Variants in TMTC2 observed in about 807,000 individuals in gnomAD.
The protein encoded by TMTC2 is protein O-mannosyl-transferase TMTC2.
In TMTC2, 43 loss-of-function variants were observed where a neutral mutation model predicts 82.4. The observed-to-expected ratio is 0.52, with a 90% confidence interval of 0.41 to 0.67. The LOEUF (loss-of-function observed/expected upper bound fraction) is 0.67. Ranked by LOEUF, TMTC2 falls within the 30% of genes least tolerant of loss-of-function variation. The pLI is 0.00. For missense variants in TMTC2, 919 were observed against 1,012.4 expected (o/e 0.91, Z 1.25); for synonymous variants, 408 against 381.9 (o/e 1.07, Z -0.80).
chr12:82,823,963 G>C (rs751052220), intron 1 of TMTC2, among the ~76,000 whole-genome samples: 35 of 147,464 alleles, frequency 2.4e-4, no homozygotes, highest in Admixed American at 4.1e-4. Context: ...GTGCAATTTC[G>C]ACTCTTTGCA....
Position 82,902,575 on chromosome 12 carries a change from C to CTA in TMTC2, c.1483+5931_1483+5932dup, listed in dbSNP as rs1340692805. 4.6e-5 allele frequency among the ~76,000 whole-genome samples: 7 copies of CTA among 152,312 alleles called. No homozygotes were observed. In the East Asian group the frequency reaches 1.4e-3, roughly 29 times the overall value. The stretch of plus-strand genomic sequence containing the variant: ...TAATGTCTCAGCTGAACTCCTGCTT[C>CTA]TATTCACCTTCAAAGTCTATGCTTA... On this transcript the variant is annotated intron_variant, in intron 3 of 11. Transcript: ENST00000321196.
intron 9 of TMTC2, among the ~76,000 whole-genome samples, chr12:83,039,996 C>T (rs901792967): frequency 2.6e-5 from 4 of 152,214 alleles, no homozygotes; most frequent in Non-Finnish European, 4.4e-5. Flanking sequence ...CACATATGTG[C>T]TCATTAATGC....
At chr12:83,037,912 A>G (rs1592709704) in intron 9 of TMTC2, among the ~76,000 whole-genome samples, 1 of 152,258 alleles carries the variant, frequency 6.6e-6, no homozygotes, top group East Asian at 1.9e-4. Flanking sequence ...AGATCAATCT[A>G]CTTGAGAGAT....
rs528076999 is a variant in TMTC2, at chr12:83,004,722, A to ATTTTTTTT, written c.2070+18714_2070+18721dup. On this transcript the variant is annotated intron_variant, in intron 8 of 11. Transcript: ENST00000321196. ...TTCACAGGCAGTGTATACTGGCCGA[A>ATTTTTTTT]TTTTTTTTTTTTTTTTTTTTTTTTT... is the stretch of plus-strand genomic sequence containing the variant. Among the ~76,000 whole-genome samples, 60 of 36,034 alleles carry ATTTTTTTT rather than the reference A, an allele frequency of 1.7e-3. 18 individuals carry two copies. Among genetic ancestry groups the ATTTTTTTT allele is most frequent in the East Asian group, 2.7e-3 (2 of 744 alleles). The allele number at this position is 36,034 out of a possible 152,430, so 23.6% of individuals were successfully genotyped here.
At chr12:82,929,065 T>TTTTTG (rs1017177702) in intron 3 of TMTC2, among the ~76,000 whole-genome samples, 2 of 152,038 alleles carry the variant, frequency 1.3e-5, no homozygotes, top group African/African-American at 4.8e-5. Flanking sequence ...TGTGTTTGTT[T>TTTTTG]TTTTGTTTTG....
intron 1 of TMTC2, among the ~76,000 whole-genome samples, chr12:82,750,437 C>A (rs1310360676): frequency 6.6e-6 from 1 of 151,990 alleles, no homozygotes; most frequent in Non-Finnish European, 1.5e-5. Context: ...ATCTTGTTGG[C>A]AATTGGCATT....
At chr12:83,034,982 T>C (rs983137499) in intron 9 of TMTC2, among the ~76,000 whole-genome samples, 2 of 152,196 alleles carry the variant, frequency 1.3e-5, no homozygotes, top group African/African-American at 4.8e-5. Flanking sequence ...TTCCTCAACT[T>C]AAAAATAAAT....
At chr12:83,077,104 C>T (rs112111476) in intron 11 of TMTC2, among the ~76,000 whole-genome samples, 1 of 152,240 alleles carries the variant, frequency 6.6e-6, no homozygotes, top group Non-Finnish European at 1.5e-5. Flanking sequence ...ATAGCAAAGA[C>T]AGCTGGGAAT....
At chr12:82,996,823 C>G (rs1322529876) in intron 8 of TMTC2, among the ~76,000 whole-genome samples, 1 of 152,098 alleles carries the variant, frequency 6.6e-6, no homozygotes, top group Non-Finnish European at 1.5e-5. Flanking sequence ...TATTTCTCAT[C>G]TTTTGAGATG....
chr12:83,089,847 C>A (rs12371775), intron 11 of TMTC2, among the ~76,000 whole-genome samples: 7,871 of 133,886 alleles, frequency 0.059, 275 homozygotes, highest in Admixed American at 0.091. Context: ...AAACAAAAAA[C>A]AAAAAAAAAA....
chr12:83,017,714 T>C (rs1002261615), intron 8 of TMTC2, among the ~76,000 whole-genome samples: 1 of 152,084 alleles, frequency 6.6e-6, no homozygotes, highest in Non-Finnish European at 1.5e-5. Flanking sequence ...AGTTACTTTT[T>C]CTTTAATCTA....
chr12:82,760,918 C>A, intron 1 of TMTC2: 1 of 368,452 alleles, frequency 2.7e-6, no homozygotes, highest in Admixed American at 2.8e-5. Flanking sequence ...CTCAGGACTC[C>A]CACTGATTAT....
chr12:83,035,272 G>A lies in TMTC2; in HGVS notation c.2152+4393G>A, dbSNP rs541963711. Among the ~76,000 whole-genome samples, 10 of 152,264 alleles carry A rather than the reference G, an allele frequency of 6.6e-5. 1 individual carries two copies. Among genetic ancestry groups the A allele is most frequent in the Admixed American group, 6.5e-4 (10 of 15,298 alleles). On this transcript the variant is annotated intron_variant, in intron 9 of 11. Coordinates refer to ENST00000321196, the MANE Select transcript of TMTC2 (RefSeq NM_152588.3). ...TTGTGTTTTTGTATCCACTAGTTTT[G>A]TTCGGGGGAAGAGATTGCATTGCAT...
At chr12:82,876,381 T>C (rs1872581152) in intron 2 of TMTC2, among the ~76,000 whole-genome samples, 1 of 152,168 alleles carries the variant, frequency 6.6e-6, no homozygotes, top group Non-Finnish European at 1.5e-5. Flanking sequence ...GGTTGTGACA[T>C]ATTTCAGCTG....
chr12:82,981,879 T>C (rs1670674124), intron 7 of TMTC2, among the ~76,000 whole-genome samples: 1 of 151,954 alleles, frequency 6.6e-6, no homozygotes, highest in Admixed American at 6.6e-5. Context: ...CTAAATGCAC[T>C]GATGGTACTT....
At chr12:82,730,466 C>T (rs1874734992) in intron 1 of TMTC2, among the ~76,000 whole-genome samples, 2 of 152,062 alleles carry the variant, frequency 1.3e-5, no homozygotes, top group African/African-American at 4.8e-5. Context: ...TCAGTATGTG[C>T]CCTCCAAAAA....
In TMTC2 at chr12:82,760,520, A is replaced by G. The variant is rs184158843; in HGVS notation, c.83+72851A>G. On this transcript the variant is annotated intron_variant, in intron 1 of 11. Transcript: ENST00000321196. ...AGCTGTCAGTGGCAGATTTGTAGTT[A>G]GAAGCTAAGCATTTCTCCAGAGAAA... Among the ~76,000 whole-genome samples the G allele has an allele frequency of 3.5e-5, 4 of 114,554 alleles. No individual in the cohort carries two copies. The Admixed American group carries it at 5.0e-4, about 14-fold the overall frequency. The allele number at this position is 114,554 out of a possible 152,430, so 75.2% of individuals were successfully genotyped here. A position where few individuals can be genotyped will look rare whatever the true frequency, so the allele number is the denominator to read the frequency against.
intron 7 of TMTC2, among the ~76,000 whole-genome samples, chr12:82,984,681 A>G (rs1565839398): frequency 1.3e-5 from 2 of 152,222 alleles, no homozygotes; most frequent in African/African-American, 2.4e-5. Context: ...TAGTGTCTCT[A>G]CATTTGCAGT....
chr12:82,795,758 G>C (rs1352011372), intron 1 of TMTC2, among the ~76,000 whole-genome samples: 1 of 152,128 alleles, frequency 6.6e-6, no homozygotes, highest in Non-Finnish European at 1.5e-5. Flanking sequence ...CGTCATCTTG[G>C]AGGCAGAGAG....
Sources: allele counts gnomAD v4.1 joint callset (sites outside exome capture counted in the v4.1 genomes callset), GRCh38; gene constraint gnomAD v4.1.1; transcripts MANE v1.5; gene names NCBI Gene and HGNC (gene_info 2026-07-23, HGNC 2026-07-21).